The following BICRAL variants were observed in gnomAD, a reference collection of about 807,000 sequenced individuals.
BICRAL encodes BICRA like chromatin remodeling complex associated protein, also known as BRD4-interacting chromatin-remodeling complex-associated protein-like.
In BICRAL, 8 loss-of-function variants were observed where a neutral mutation model predicts 91.8. The ratio of observed to expected loss-of-function variants is 0.09; its 90% CI spans 0.05 to 0.16. The LOEUF is 0.16. BICRAL is among the 10% of genes least tolerant of loss of function. The pLI is 1.00. For synonymous variants in BICRAL, 445 were observed against 491.1 expected (o/e 0.91, Z 1.24); for missense variants, 1,038 against 1,310.9 (o/e 0.79, Z 3.21).
Position 42,829,726 on chromosome 6 carries a change from A to G in BICRAL, c.1393A>G (p.Asn465Asp). 1 of 1,614,180 alleles carries G rather than the reference A, an allele frequency of 6.2e-7. No homozygotes were observed. The highest frequency in any genetic ancestry group is 8.5e-7 in the Non-Finnish European group (1 of 1,180,018). Residue 465 changes from asparagine (N) to aspartate (D), a missense_variant, in exon 6 of 13, where the codon AAC (asparagine) becomes GAC (aspartate). This residue lies in a region of BICRAL where 532 missense variants were observed against 724.9 expected (regional missense o/e 0.73). Coordinates refer to ENST00000314073, the MANE Select transcript of BICRAL (RefSeq NM_001393499.1). ...NQPYTGPMLN[N>D]QNTAVHLVSG... is the part of the protein sequence containing the mutation. ...ACCATATACTGGACCGATGCTTAAC[A>G]ACCAGAATACTGCTGTCCACTTAGT...
upstream of BICRAL, among the ~76,000 whole-genome samples, chr6:42,780,636 TA>T (rs1418328753): frequency 6.6e-6 from 1 of 152,212 alleles, no homozygotes; most frequent in Non-Finnish European, 1.5e-5. Flanking sequence ...TTATTTAAAA[TA>T]AAAGACAACA....
At chr6:42,783,557 T>G (rs1268798527) in intron 1 of BICRAL, among the ~76,000 whole-genome samples, 6 of 151,910 alleles carry the variant, frequency 3.9e-5, no homozygotes, top group Non-Finnish European at 8.8e-5. Flanking sequence ...GACATCTCGA[T>G]GACCAGGGCG....
chr6:42,780,724 A>G (rs1762885705), upstream of BICRAL, among the ~76,000 whole-genome samples: 1 of 146,506 alleles, frequency 6.8e-6, no homozygotes, highest in African/African-American at 2.6e-5. Flanking sequence ...CAGGCCACGT[A>G]ATGTTGTTGT....
chr6:42,794,496 ATCC>A (rs1414154937), intron 1 of BICRAL, among the ~76,000 whole-genome samples: 1 of 151,134 alleles, frequency 6.6e-6, no homozygotes, highest in Non-Finnish European at 1.5e-5. Flanking sequence ...GAGTCAAGTA[ATCC>A]TCCTGCTTCC....
chr6:42,781,815 C>T (rs989992166), upstream of BICRAL: 2 of 149,316 alleles, frequency 1.3e-5, no homozygotes, highest in Non-Finnish European at 3.0e-5. Context: ...TTAAAAAAAT[C>T]CTAATCTCCA....
intron 10 of BICRAL, 97 bp downstream of exon 10, chr6:42,857,333 A>G: frequency 3.1e-6 from 3 of 969,322 alleles, no homozygotes; most frequent in Non-Finnish European, 4.7e-6. Context: ...CCCAGATGGT[A>G]GGCAGGTTAT....
chr6:42,824,827 C>T (rs1170496381), intron 5 of BICRAL, among the ~76,000 whole-genome samples: 1 of 152,142 alleles, frequency 6.6e-6, no homozygotes, highest in Non-Finnish European at 1.5e-5. Context: ...AAGAGCTTAA[C>T]ATATATTAAC....
intron 1 of BICRAL, among the ~76,000 whole-genome samples, chr6:42,796,519 A>T (rs1483343889): frequency 6.6e-6 from 1 of 152,146 alleles, no homozygotes; most frequent in Non-Finnish European, 1.5e-5. Flanking sequence ...TTTACATGGG[A>T]GGAAATGAAG....
At chr6:42,752,912 CT>C (rs57864510) in intron 1 of BICRAL, among the ~76,000 whole-genome samples, 6,579 of 82,198 alleles carry the variant, frequency 0.08, 242 homozygotes, top group African/African-American at 0.21. Context: ...CCCCAGCTGA[CT>C]TTTTTTTTTT....
At chr6:42,765,340 G>A (rs1762615624) in intron 1 of BICRAL, among the ~76,000 whole-genome samples, 1 of 152,162 alleles carries the variant, frequency 6.6e-6, no homozygotes, top group South Asian at 2.1e-4. Flanking sequence ...TTGTAGCTCT[G>A]ACAATTGGGA....
rs1314886721 is a variant in BICRAL, at chr6:42,814,028, G to A, written c.-6+3627G>A. On this transcript the variant is annotated intron_variant, in intron 2 of 12. Transcript: ENST00000314073. Reference sequence around the variant, plus strand: ...TTCATTTTACCTTCAATAGGTCCGGGGGTAAAAATGTGATTTTGAAGACTG... The same window carrying A: ...TTCATTTTACCTTCAATAGGTCCGGAGGTAAAAATGTGATTTTGAAGACTG... Among the ~76,000 whole-genome samples, 4 of 151,922 alleles carry A rather than the reference G, an allele frequency of 2.6e-5. No homozygotes were observed. In the East Asian group the frequency reaches 7.7e-4, roughly 29 times the overall value.
At chr6:42,825,205 A>G (rs1172025694) in intron 5 of BICRAL, among the ~76,000 whole-genome samples, 1 of 147,138 alleles carries the variant, frequency 6.8e-6, no homozygotes, top group Non-Finnish European at 1.5e-5. Flanking sequence ...GGTTACAGTG[A>G]GCCAAGATCA....
At chr6:42,807,682 T>A (rs1464238937) in intron 1 of BICRAL, among the ~76,000 whole-genome samples, 7 of 151,474 alleles carry the variant, frequency 4.6e-5, no homozygotes, top group Non-Finnish European at 8.8e-5. Flanking sequence ...GGCGCGTGCT[T>A]GTAGTCCCAG....
At position 42,828,725 on chromosome 6, in the gene BICRAL, G is replaced by A; in HGVS notation, c.392G>A (p.Gly131Asp). 1 of 1,614,180 alleles carries A rather than the reference G, an allele frequency of 6.2e-7. No homozygotes were observed. Among genetic ancestry groups the A allele is most frequent in the South Asian group, 1.1e-5 (1 of 91,084 alleles). ...AEEAYLDASI[G>D]SSQQFAQAQL... Reference sequence around the variant, plus strand: ...GAGGCATATTTGGATGCCAGTATAGGTTCAAGCCAACAGTTTGCACAAGCT... The same window carrying A: ...GAGGCATATTTGGATGCCAGTATAGATTCAAGCCAACAGTTTGCACAAGCT... The change falls in exon 6 of 13, where the codon GGT becomes GAT. Residue 131 changes from glycine to aspartate, a missense_variant. Gly to Asp is a moderately conservative substitution (Grantham distance 94). This residue lies in a region of BICRAL where 532 missense variants were observed against 724.9 expected (regional missense o/e 0.73). Transcript: ENST00000314073.
upstream of BICRAL, among the ~76,000 whole-genome samples, chr6:42,777,781 CT>C (rs537951229): frequency 7.9e-5 from 12 of 151,346 alleles, no homozygotes; most frequent in African/African-American, 1.7e-4. Flanking sequence ...TTTCCATCCT[CT>C]TTTTTTTTAC....
Position 42,829,061 on chromosome 6 carries a change from A to G in BICRAL, c.728A>G (p.Gln243Arg). ...CAAATCATATTAAAGGGCAGCGGGC[A>G]GCAAGCCCCATCAAATGTGAGTGGA... ...GSQIILKGSG[Q>R]QAPSNVSGGL... Residue 243 changes from glutamine (Q) to arginine (R), a missense_variant, in exon 6 of 13, where the codon CAG becomes CGG. Physicochemically the swap from Gln to Arg is conservative, Grantham distance 43. Transcript: ENST00000314073. The G allele has an allele frequency of 1.2e-6, 2 of 1,614,110 alleles. No homozygotes were observed. Among genetic ancestry groups the G allele is most frequent in the South Asian group, 1.1e-5 (1 of 91,078 alleles).
chr6:42,786,931 TA>T (rs34789434), intron 1 of BICRAL, among the ~76,000 whole-genome samples: 71,946 of 151,890 alleles, frequency 0.47, 18,659 homozygotes, highest in African/African-American at 0.69. Context: ...TATTACTCCA[TA>T]GGGGGATTTT....
At chr6:42,851,520 C>T (rs889649070) in intron 6 of BICRAL, among the ~76,000 whole-genome samples, 14 of 152,094 alleles carry the variant, frequency 9.2e-5, no homozygotes, top group African/African-American at 2.9e-4. Flanking sequence ...ATATTTTGCT[C>T]AGGCTAATAT....
intron 1 of BICRAL, among the ~76,000 whole-genome samples, chr6:42,753,064 C>T (rs930047224): frequency 1.3e-5 from 2 of 151,538 alleles, no homozygotes; most frequent in East Asian, 3.9e-4. Context: ...GTAGCTGGGA[C>T]GACAGGCACT....
Sources: allele counts gnomAD v4.1 joint callset (sites outside exome capture counted in the v4.1 genomes callset), GRCh38; gene constraint gnomAD v4.1.1; regional missense constraint gnomAD v4.1.1; transcripts MANE v1.5; gene names NCBI Gene and HGNC (gene_info 2026-07-23, HGNC 2026-07-21).